USP31: variants seen among roughly 807,000 people sequenced by gnomAD.
USP31 encodes the protein ubiquitin carboxyl-terminal hydrolase 31.
Under a neutral mutation model 119.4 loss-of-function variants are expected in USP31, and 44 were observed. The ratio of observed to expected loss-of-function variants is 0.37; its 90% CI spans 0.29 to 0.47. The LOEUF (loss-of-function observed/expected upper bound fraction) is 0.47. Ranked by LOEUF, USP31 falls within the 20% of genes least tolerant of loss-of-function variation. The pLI is 0.99. For missense variants in USP31, 1,643 were observed against 1,730.2 expected (o/e 0.95, Z 0.89); for synonymous variants, 749 against 705.6 (o/e 1.06, Z -0.97).
At chr16:23,114,033 A>T (rs1285404647) in intron 1 of USP31, among the ~76,000 whole-genome samples, 1 of 151,986 alleles carries the variant, frequency 6.6e-6, no homozygotes, top group African/African-American at 2.4e-5. Context: ...TGAACCTGGG[A>T]GGTGGAGATT....
intron 1 of USP31, among the ~76,000 whole-genome samples, chr16:23,114,296 AG>A (rs35426107): frequency 0.17 from 25,373 of 152,002 alleles, 2,620 homozygotes; most frequent in Admixed American, 0.26. Context: ...TATTTTGTAA[AG>A]AAAGTAGAGG....
At chr16:23,117,940 C>T (rs1567241945) in intron 1 of USP31, among the ~76,000 whole-genome samples, 2 of 152,050 alleles carry the variant, frequency 1.3e-5, no homozygotes, top group Non-Finnish European at 2.9e-5. Context: ...AGGTGCACGC[C>T]ACCACGTCCT....
At chr16:23,093,416 C>G (rs1901458717) in intron 6 of USP31, among the ~76,000 whole-genome samples, 1 of 152,110 alleles carries the variant, frequency 6.6e-6, no homozygotes, top group African/African-American at 2.4e-5. Context: ...AATGGCCAAA[C>G]AAGCACATGG....
In USP31 at chr16:23,064,934, ATAT is replaced by A. The variant is rs1354830775; in HGVS notation, c.*3109_*3111del. The stretch of plus-strand genomic sequence containing the variant: ...CCACATCCGTTCCCACTGGTCCAGC[ATAT>A]TATTACTTACTTTCAGTTCAGCTGC... On this transcript the variant is annotated 3_prime_UTR_variant, in exon 16 of 16. Transcript: ENST00000219689. 6.6e-6 allele frequency: 1 copy of A among 152,212 alleles called. No individual in the cohort carries two copies. Among genetic ancestry groups the A allele is most frequent in the African/African-American group, 2.4e-5 (1 of 41,446 alleles). The allele number at this position is 152,212 out of a possible 1,614,324, so 9.4% of individuals were successfully genotyped here.
intron 13 of USP31, among the ~76,000 whole-genome samples, chr16:23,077,056 T>A (rs1446865635): frequency 6.6e-6 from 1 of 152,232 alleles, no homozygotes; most frequent in East Asian, 1.9e-4. Context: ...ACTATTATCA[T>A]CATTGAAATA....
In USP31 at chr16:23,148,973, C is replaced by A; in HGVS notation, c.298G>T (p.Ala100Ser). 1 of 1,016,970 alleles carries A rather than the reference C, an allele frequency of 9.8e-7. No individual in the cohort carries two copies. The highest frequency in any genetic ancestry group is 1.2e-6 in the Non-Finnish European group (1 of 846,892). The allele number at this position is 1,016,970 out of a possible 1,614,324, so 63.0% of individuals were successfully genotyped here. The change falls in exon 1 of 16, where the codon GCC becomes TCC. Residue 100 changes from alanine (A) to serine (S), a missense_variant. Coordinates refer to ENST00000219689, the MANE Select transcript of USP31 (RefSeq NM_020718.4). ...GGGCACGGCGGCGGCGTGGGCGCGG[C>A]GGCCGGCCCGGGCGGGAAGCAGCTG... Reference protein sequence around the residue: ...LRSCFPPGPAAAPTPPPCPPP... With the variant: ...LRSCFPPGPASAPTPPPCPPP...
intron 13 of USP31, among the ~76,000 whole-genome samples, chr16:23,078,755 GAAC>G (rs879644671): frequency 2.0e-5 from 3 of 152,144 alleles, no homozygotes; most frequent in African/African-American, 4.8e-5. Flanking sequence ...ATGTTCACTT[GAAC>G]AACAACAACA....
Position 23,065,648 on chromosome 16 carries a change from T to C in USP31, c.*2398A>G, listed in dbSNP as rs1900035447. 1 of 152,626 alleles carries C rather than the reference T, an allele frequency of 6.6e-6. No individual in the cohort carries two copies. The highest frequency in any genetic ancestry group is 1.5e-5 in the Non-Finnish European group (1 of 68,000). The allele number at this position is 152,626 out of a possible 1,614,324, so 9.5% of individuals were successfully genotyped here. On this transcript the variant is annotated 3_prime_UTR_variant, in exon 16 of 16. Coordinates refer to ENST00000219689, the MANE Select transcript of USP31 (RefSeq NM_020718.4). Reference sequence around the variant, plus strand: ...GACATACAGTTTATAGACACTGACATTTTATTCCAGATCCCATGGAAAACC... The same window carrying C: ...GACATACAGTTTATAGACACTGACACTTTATTCCAGATCCCATGGAAAACC...
At chr16:23,109,971 T>A (rs1038516559) in intron 1 of USP31, among the ~76,000 whole-genome samples, 1 of 152,046 alleles carries the variant, frequency 6.6e-6, no homozygotes, top group Non-Finnish European at 1.5e-5. Context: ...CAATGTGTTA[T>A]CCCATGGGAG....
intron 1 of USP31, among the ~76,000 whole-genome samples, chr16:23,131,418 A>G (rs902686512): frequency 1.3e-5 from 2 of 152,194 alleles, no homozygotes; most frequent in African/African-American, 4.8e-5. Flanking sequence ...TCAGCCTCCC[A>G]AAGTGCTGGG....
At chr16:23,071,924 G>A (rs1900363341) in intron 15 of USP31, 121 bp downstream of exon 15, 1 of 1,358,264 alleles carries the variant, frequency 7.4e-7, no homozygotes, top group East Asian at 2.3e-5. Context: ...TCCACTCCCT[G>A]TAGCTCCCTT....
chr16:23,074,415 TATA>T (rs1279769811), intron 13 of USP31, among the ~76,000 whole-genome samples: 2 of 152,180 alleles, frequency 1.3e-5, no homozygotes, highest in African/African-American at 4.8e-5. Context: ...GAAATAACAA[TATA>T]ATGATATGAT....
rs778466277 is a variant in USP31 at position 23,072,211 on chromosome 16, A to G, written c.2336-14T>C. 1.2e-6 allele frequency: 2 copies of G among 1,601,684 alleles called. No individual in the cohort carries two copies. The highest frequency in any genetic ancestry group is 1.7e-6 in the Non-Finnish European group (2 of 1,179,046). On this transcript the variant is annotated splice_polypyrimidine_tract_variant and intron_variant, in intron 14 of 15. Transcript: ENST00000219689. The stretch of plus-strand genomic sequence containing the variant: ...AACTTGTGGAGCCTGCAGAGAAGAA[A>G]ACAGGCATAGAGGTCAGGCTGGGGT...
In USP31 at chr16:23,068,545, C is replaced by T; in HGVS notation, c.3560G>A (p.Gly1187Glu). 3 of 1,614,040 alleles carry T rather than the reference C, an allele frequency of 1.9e-6. No homozygotes were observed. Among genetic ancestry groups the T allele is most frequent in the Non-Finnish European group, 2.5e-6 (3 of 1,179,974 alleles). ...NSPRVSQARAGEGRGAGKHVR... is the reference protein window; with the variant it reads ...NSPRVSQARAEEGRGAGKHVR... ...GTGCTTCCCGGCCCCCCTGCCCTCC[C>T]CTGCTCGGGCCTGGCTCACCCGAGG... The change falls in exon 16 of 16, where the codon GGG becomes GAG. Residue 1187 changes from glycine to glutamate, a missense_variant. This residue lies in a region of USP31 where 699 missense variants were observed against 650.9 expected (regional missense o/e 1.07). Coordinates refer to ENST00000219689, the MANE Select transcript of USP31 (RefSeq NM_020718.4).
At chr16:23,105,215 A>G (rs1485804234) in intron 5 of USP31, among the ~76,000 whole-genome samples, 1 of 152,248 alleles carries the variant, frequency 6.6e-6, no homozygotes, top group Non-Finnish European at 1.5e-5. Context: ...GTCTTGGTGT[A>G]AAGTCACAGC....
At chr16:23,129,379 T>C (rs1023409522) in intron 1 of USP31, among the ~76,000 whole-genome samples, 2 of 152,092 alleles carry the variant, frequency 1.3e-5, no homozygotes, top group Admixed American at 1.3e-4. Flanking sequence ...ACAGAAACAA[T>C]ATCAGAGAAA....
chr16:23,123,553 T>TA (rs1163695612), intron 1 of USP31, among the ~76,000 whole-genome samples: 18 of 151,560 alleles, frequency 1.2e-4, no homozygotes, highest in Non-Finnish European at 7.4e-5. Flanking sequence ...AATAAATAAA[T>TA]AAATAAAATA....
intron 6 of USP31, among the ~76,000 whole-genome samples, chr16:23,095,608 G>C (rs777796032): frequency 6.6e-6 from 1 of 152,168 alleles, no homozygotes; most frequent in African/African-American, 2.4e-5. Flanking sequence ...GAAAGGTCAG[G>C]TTACCCACAA....
At position 23,108,124 on chromosome 16, in the gene USP31, C is replaced by T. The variant is rs775588420; in HGVS notation, c.693G>A (p.Glu231=). 4 of 1,614,018 alleles carry T rather than the reference C, an allele frequency of 2.5e-6. No individual in the cohort carries two copies. The highest frequency in any genetic ancestry group is 1.1e-5 in the South Asian group (1 of 91,064). The part of the protein sequence containing the change: ...YRGNSQHDAQ[E]FLLWLLDRVH... ...CTCGGTCCAAAAGCCACAGCAGAAA[C>T]TCCTGGGCATCATGTTGGGAATTTC... The change falls in exon 2 of 16, where the codon GAG becomes GAA. Residue 231 remains glutamate, a synonymous_variant. Coordinates refer to ENST00000219689, the MANE Select transcript of USP31 (RefSeq NM_020718.4).
Sources: gnomAD v4.1 joint callset for allele counts (sites outside exome capture counted in the v4.1 genomes callset) on GRCh38, gnomAD v4.1.1 for gene constraint, gnomAD v4.1.1 regional missense constraint, MANE v1.5 for transcripts, NCBI Gene and HGNC (gene_info 2026-07-23, HGNC 2026-07-21) for gene names.